The following MYO18A variants were observed in gnomAD, a reference collection of about 807,000 sequenced individuals.
The protein encoded by MYO18A is unconventional myosin-XVIIIa.
MYO18A carries 78 observed loss-of-function variants against 235.8 expected under a neutral mutation model. The ratio of observed to expected loss-of-function variants is 0.33; its 90% CI spans 0.28 to 0.40. The LOEUF is 0.40. MYO18A is among the 10% of genes least tolerant of loss of function. The pLI, the probability that MYO18A is intolerant of heterozygous loss-of-function variation, is 1.00. For synonymous variants in MYO18A, 977 were observed against 1,077.8 expected (o/e 0.91, Z 1.83); for missense variants, 2,215 against 2,699.3 (o/e 0.82, Z 3.98).
At position 29,116,710 on chromosome 17, in the gene MYO18A, T is replaced by C. The variant is rs867178524; in HGVS notation, c.2039-255A>G. On this transcript the variant is annotated intron_variant, in intron 10 of 41. Coordinates refer to ENST00000527372, the MANE Select transcript of MYO18A (RefSeq NM_078471.4). ...AAAGACATTTGTGCACATGTGTGTG[T>C]GCGCAAACACACCCTCCCCCCCCCC... 4.6e-4 allele frequency among the ~76,000 whole-genome samples: 38 copies of C among 83,506 alleles called. 1 individual carries two copies. Among genetic ancestry groups the C allele is most frequent in the Admixed American group, 7.9e-4 (4 of 5,084 alleles). 54.8% of individuals were successfully genotyped at this position (83,506 alleles called of 152,430 possible).
chr17:29,110,253 G>A (rs1033569905), intron 18 of MYO18A, among the ~76,000 whole-genome samples, 152 bp from the exon 19 acceptor site: 1 of 152,160 alleles, frequency 6.6e-6, no homozygotes. Flanking sequence ...GCCCTCGCCG[G>A]GCCTCGGTGG....
At position 29,109,833 on chromosome 17, in the gene MYO18A, G is replaced by C. The variant is rs1277421413; in HGVS notation, c.3331+25C>G. The C allele has an allele frequency of 1.3e-6, 2 of 1,544,686 alleles. No homozygotes were observed. The highest frequency in any genetic ancestry group is 2.5e-5 in the East Asian group (1 of 40,794). ...GGCCAGCTCTGGAAAAGAGAGCCCA[G>C]AGTGGAGAGGAAAGGAGGCCCCACC... On this transcript the variant is annotated intron_variant, in intron 19 of 41. Transcript: ENST00000527372. The surrounding 1 kb of genome is among the most constrained non-coding windows in gnomAD (Gnocchi z 4.1).
chr17:29,085,338 C>A (rs367728136), intron 40 of MYO18A, among the ~76,000 whole-genome samples: 1 of 152,242 alleles, frequency 6.6e-6, no homozygotes, highest in African/African-American at 2.4e-5. Flanking sequence ...AAATAGGCTG[C>A]GCTTTCCTTT....
chr17:29,178,463 A>G (rs1009654841), intron 1 of MYO18A, among the ~76,000 whole-genome samples: 13 of 109,554 alleles, frequency 1.2e-4, no homozygotes, highest in Non-Finnish European at 1.9e-4. Flanking sequence ...AGCTGCCCCC[A>G]AAGCCATGGT....
At chr17:29,142,737 G>A (rs1366350942) in intron 2 of MYO18A, among the ~76,000 whole-genome samples, 1 of 152,258 alleles carries the variant, frequency 6.6e-6, no homozygotes, top group African/African-American at 2.4e-5. Flanking sequence ...GGGCCACACG[G>A]CCTGGTTTAA....
chr17:29,133,870 A>G, intron 2 of MYO18A: 1 of 1,289,250 alleles, frequency 7.8e-7, no homozygotes, highest in South Asian at 1.2e-5. Flanking sequence ...TGGGTCAGAG[A>G]AGAAATGGGG....
chr17:29,093,471 C>T lies in MYO18A; in HGVS notation c.4822-44G>A, dbSNP rs750615142. On this transcript the variant is annotated intron_variant, in intron 31 of 41. Transcript: ENST00000527372. ...AGAGACCCGTCCGTCCCTTTAGTGC[C>T]TGGTGCGAAGCAGGCCCCTTCCATT... The T allele has an allele frequency of 8.7e-6, 13 of 1,498,516 alleles. No homozygotes were observed. The South Asian group carries it at 1.5e-4, about 17-fold the overall frequency. 92.8% of individuals were successfully genotyped at this position (1,498,516 alleles called of 1,614,324 possible). A position where few individuals can be genotyped will look rare whatever the true frequency, so the allele number is the denominator to read the frequency against.
intron 30 of MYO18A, 125 bp downstream of exon 30, chr17:29,094,525 T>G: frequency 1.1e-6 from 1 of 945,644 alleles, no homozygotes; most frequent in Non-Finnish European, 1.6e-6. Flanking sequence ...ATTTTGTGAG[T>G]AGGTGAGTGA....
intron 2 of MYO18A, among the ~76,000 whole-genome samples, chr17:29,154,702 G>C (rs1378278871): frequency 1.3e-5 from 2 of 152,222 alleles, no homozygotes; most frequent in African/African-American, 4.8e-5. Context: ...GCTGTGCCAG[G>C]CTCAGCACAT....
chr17:29,086,784 C>T, intron 38 of MYO18A, 152 bp downstream of exon 38: 1 of 1,149,264 alleles, frequency 8.7e-7, no homozygotes, highest in Non-Finnish European at 1.2e-6. Context: ...GCTTCCTGGC[C>T]TGCCCTCTTG....
intron 2 of MYO18A, among the ~76,000 whole-genome samples, 158 bp from the exon 3 acceptor site, chr17:29,122,411 T>A (rs1249902349): frequency 6.6e-6 from 1 of 152,080 alleles, no homozygotes; most frequent in African/African-American, 2.4e-5. Flanking sequence ...ATCAGAGGTG[T>A]CTGGGAAAGA....
At chr17:29,104,081 C>T (rs898298741) in intron 20 of MYO18A, among the ~76,000 whole-genome samples, 1 of 152,194 alleles carries the variant, frequency 6.6e-6, no homozygotes, top group African/African-American at 2.4e-5. Flanking sequence ...AAGTCACTCA[C>T]TGGAACTGGG....
chr17:29,132,346 T>A (rs1008954090), intron 2 of MYO18A, among the ~76,000 whole-genome samples: 1 of 152,220 alleles, frequency 6.6e-6, no homozygotes, highest in Non-Finnish European at 1.5e-5. Flanking sequence ...TTTTAAAAAG[T>A]CTTCTCCTTT....
In MYO18A at chr17:29,074,237, GC is replaced by G. The variant is rs2065925646; in HGVS notation, c.*532del. 4 of 1,533,858 alleles carry G rather than the reference GC, an allele frequency of 2.6e-6. No individual in the cohort carries two copies. The highest frequency in any genetic ancestry group is 2.7e-6 in the Non-Finnish European group (3 of 1,131,186). On this transcript the variant is annotated 3_prime_UTR_variant, in exon 42 of 42. Transcript: ENST00000527372. The surrounding 1 kb of genome is among the most constrained non-coding windows in gnomAD (Gnocchi z 4.4). ...CTTGGGAGCCCCAGCTACCACTACA[GC>G]CCCCTCCCACTCTCAGGGATGCAGC...
Position 29,118,734 on chromosome 17 carries a change from A to G in MYO18A, c.1830-294T>C, listed in dbSNP as rs578225466. Among the ~76,000 whole-genome samples, 188 of 152,366 alleles carry G rather than the reference A, an allele frequency of 1.2e-3. No individual in the cohort carries two copies. Among genetic ancestry groups the G allele is most frequent in the African/African-American group, 4.4e-3 (183 of 41,592 alleles). On this transcript the variant is annotated intron_variant, in intron 8 of 41. Coordinates refer to ENST00000527372, the MANE Select transcript of MYO18A (RefSeq NM_078471.4). The surrounding 1 kb of genome is among the most constrained non-coding windows in gnomAD (Gnocchi z 4.2). ...CGAAGGGTGAGTCCCGCCAAGGCAG[A>G]GACGATGCCCTCAGTTACAAGAAGG...
chr17:29,091,975 C>A (rs528678155), intron 34 of MYO18A: 1 of 334,014 alleles, frequency 3.0e-6, no homozygotes, highest in South Asian at 2.7e-5. Flanking sequence ...GGGAAGGAAG[C>A]CAAGCCATCC....
intron 34 of MYO18A, chr17:29,091,473 T>C (rs1453803600): frequency 2.8e-6 from 1 of 355,316 alleles, no homozygotes; most frequent in Non-Finnish European, 5.6e-6. Context: ...CAAACCAAAA[T>C]GACTGTGTTG....
intron 2 of MYO18A, among the ~76,000 whole-genome samples, chr17:29,156,955 C>T (rs868796860): frequency 1.8e-4 from 27 of 152,206 alleles, no homozygotes; most frequent in African/African-American, 4.6e-4. Flanking sequence ...GGCTGTGCTC[C>T]GCCACTGTTT....
At position 29,115,102 on chromosome 17, in the gene MYO18A, G is replaced by A; in HGVS notation, c.2319-3C>T. The A allele has an allele frequency of 6.2e-7, 1 of 1,610,806 alleles. No individual in the cohort carries two copies. The highest frequency in any genetic ancestry group is 1.1e-5 in the South Asian group (1 of 90,684). On this transcript the variant is annotated splice_polypyrimidine_tract_variant and splice_region_variant and intron_variant, in intron 13 of 41. Transcript: ENST00000527372. ...AGTGCTGGCTGGACTTGAGAGCCCTGGATAGGGACAGCCTGGGTCAGAGCC... is the reference window on the plus strand; with the variant it reads ...AGTGCTGGCTGGACTTGAGAGCCCTAGATAGGGACAGCCTGGGTCAGAGCC...
Sources: gnomAD v4.1 joint callset for allele counts (sites outside exome capture counted in the v4.1 genomes callset) on GRCh38, gnomAD v4.1.1 for gene constraint, Gnocchi (gnomAD v3.1) non-coding constraint, MANE v1.5 for transcripts, NCBI Gene and HGNC (gene_info 2026-07-23, HGNC 2026-07-21) for gene names.